The following ARHGEF3 variants were observed in gnomAD, a reference collection of about 807,000 sequenced individuals.
ARHGEF3 encodes the protein Rho guanine nucleotide exchange factor 3, also known as 59.8 kDA protein.
A neutral mutation model predicts 63.2 loss-of-function variants in ARHGEF3; 28 were observed. That is an observed-to-expected ratio of 0.44 (90% CI 0.33 to 0.61). The LOEUF is 0.61. Among genes scored for constraint, ARHGEF3 ranks in the 20% least tolerant of loss-of-function variants. ARHGEF3 has a pLI of 0.03. For missense variants in ARHGEF3, 533 were observed against 659.3 expected, an observed-to-expected ratio of 0.81 and a Z score of 2.10; for synonymous variants, 266 against 254.2, an observed-to-expected ratio of 1.05 and a Z score of -0.44.
Position 57,035,102 on chromosome 3 carries a change from T to C in ARHGEF3, c.48A>G (p.Glu16=), listed in dbSNP as rs1379725122. Reference sequence around the variant, plus strand: ...ATTATTTTTACCTTTCCTTGTTTTCTTCCATTCCTCTACAGCTGCATTGAT... The same window carrying C: ...ATTATTTTTACCTTTCCTTGTTTTCCTCCATTCCTCTACAGCTGCATTGAT... Residue 16 remains glutamate (E), a synonymous_variant, in exon 2 of 13, where the codon GAA becomes GAG. Coordinates refer to the ARHGEF3 transcript ENST00000338458. The C allele has an allele frequency of 2.6e-6, 4 of 1,547,444 alleles. No homozygotes were observed. In the South Asian group the frequency reaches 4.8e-5, roughly 19 times the overall value.
chr3:56,981,838 T>C (rs1682866823), intron 2 of ARHGEF3, among the ~76,000 whole-genome samples: 1 of 152,190 alleles, frequency 6.6e-6, no homozygotes, highest in Non-Finnish European at 1.5e-5. Flanking sequence ...CATCTGCTGT[T>C]CCTCACTGCC....
chr3:56,869,385 C>G (rs1355871485), intron 4 of ARHGEF3, among the ~76,000 whole-genome samples: 1 of 152,188 alleles, frequency 6.6e-6, no homozygotes, highest in Non-Finnish European at 1.5e-5. Flanking sequence ...AGTCAGCTCT[C>G]TCCGTAAAAT....
At chr3:56,924,369 G>A (rs191675957) in intron 3 of ARHGEF3, among the ~76,000 whole-genome samples, 236 of 152,268 alleles carry the variant, frequency 1.5e-3, no homozygotes, top group African/African-American at 4.6e-3. Context: ...GCGACACTAC[G>A]TGTTCCTTAC....
intron 3 of ARHGEF3, among the ~76,000 whole-genome samples, chr3:56,918,824 A>C (rs2042052342): frequency 6.6e-6 from 1 of 152,228 alleles, no homozygotes; most frequent in South Asian, 2.1e-4. Flanking sequence ...ATGTTTATGT[A>C]TTGGTTTTTA....
chr3:56,787,693 C>A (rs1691532965), intron 1 of ARHGEF3, among the ~76,000 whole-genome samples: 1 of 150,114 alleles, frequency 6.7e-6, no homozygotes, highest in Non-Finnish European at 1.5e-5. Flanking sequence ...CCGACACTGG[C>A]TTCCCAGGAT....
At chr3:57,038,600 C>T (rs1704054176) in intron 1 of ARHGEF3, among the ~76,000 whole-genome samples, 1 of 152,132 alleles carries the variant, frequency 6.6e-6, no homozygotes, top group Non-Finnish European at 1.5e-5. Context: ...CACATTACCA[C>T]ACCTGGCTCA....
At chr3:56,830,063 T>C (rs956725914) in intron 4 of ARHGEF3, among the ~76,000 whole-genome samples, 4 of 152,202 alleles carry the variant, frequency 2.6e-5, no homozygotes, top group Non-Finnish European at 5.9e-5. Flanking sequence ...AGAGGAGGTG[T>C]AATTTGCTCA....
At chr3:56,802,899 A>G (rs115519376), upstream of ARHGEF3, among the ~76,000 whole-genome samples, 2,044 of 152,330 alleles carry the variant, frequency 0.013, 40 homozygotes, top group African/African-American at 0.044. Context: ...TTCACTGTGT[A>G]ATACCGCTTA....
chr3:56,744,991 T>C (rs1023310611), intron 7 of ARHGEF3, among the ~76,000 whole-genome samples: 6 of 152,212 alleles, frequency 3.9e-5, no homozygotes, highest in African/African-American at 1.2e-4. Context: ...GCGTGTTTCA[T>C]GTAAGCACTG....
intron 3 of ARHGEF3, among the ~76,000 whole-genome samples, chr3:56,926,797 A>AT (rs1245027098): frequency 6.6e-6 from 1 of 152,196 alleles, no homozygotes; most frequent in Non-Finnish European, 1.5e-5. Flanking sequence ...TGAAAAGCTG[A>AT]TTTTTATTTT....
At chr3:57,034,172 G>C (rs1703852474) in intron 2 of ARHGEF3, among the ~76,000 whole-genome samples, 1 of 151,738 alleles carries the variant, frequency 6.6e-6, no homozygotes, top group South Asian at 2.1e-4. Context: ...GCCCAGGCTG[G>C]AGTGCAGTGG....
At position 57,076,405 on chromosome 3, in the gene ARHGEF3, G is replaced by C. The variant is rs114255133; in HGVS notation, c.-28+2821C>G. Among the ~76,000 whole-genome samples the C allele has an allele frequency of 5.4e-3, 829 of 152,298 alleles. 7 individuals are homozygous for C. Among genetic ancestry groups the C allele is most frequent in the African/African-American group, 0.018 (741 of 41,572 alleles). On this transcript the variant is annotated intron_variant, in intron 1 of 12. Transcript: ENST00000338458. ...TAGAGATGGATATTGATGAATGCAG[G>C]ATAGTCAGAACACGAAGCAGACCAT...
At chr3:56,821,965 G>T (rs1411334619) in intron 4 of ARHGEF3, among the ~76,000 whole-genome samples, 1 of 9,834 alleles carries the variant, frequency 1.0e-4, no homozygotes, top group Non-Finnish European at 2.5e-4. Flanking sequence ...TCTGTCTCGA[G>T]AAGAGAAGAG....
At chr3:56,917,188 C>CTATG (rs1438575216) in intron 3 of ARHGEF3, among the ~76,000 whole-genome samples, 1 of 152,186 alleles carries the variant, frequency 6.6e-6, no homozygotes, top group Admixed American at 6.5e-5. Flanking sequence ...AGATTGAAAA[C>CTATG]TATGCCTGGC....
At chr3:56,773,622 AC>A in intron 2 of ARHGEF3, 86 bp downstream of exon 2, 1 of 1,190,502 alleles carries the variant, frequency 8.4e-7, no homozygotes, top group Admixed American at 3.0e-5. Context: ...TCACTTTGAA[AC>A]CAGGGGAAAT....
At chr3:56,891,469 G>A (rs2041118763) in intron 3 of ARHGEF3, among the ~76,000 whole-genome samples, 1 of 151,628 alleles carries the variant, frequency 6.6e-6, no homozygotes, top group Non-Finnish European at 1.5e-5. Flanking sequence ...AAATCATGAT[G>A]TTTTCAGAGC....
At chr3:57,002,928 C>G (rs1462644204) in intron 2 of ARHGEF3, among the ~76,000 whole-genome samples, 1 of 151,460 alleles carries the variant, frequency 6.6e-6, no homozygotes, top group Non-Finnish European at 1.5e-5. Context: ...CGCACGCCAC[C>G]ACGCCCGGCT....
intron 6 of ARHGEF3, among the ~76,000 whole-genome samples, chr3:56,749,477 A>G (rs761010205): frequency 6.6e-6 from 1 of 152,224 alleles, no homozygotes; most frequent in African/African-American, 2.4e-5. Flanking sequence ...GAGTTATCCT[A>G]CAAATTCTGG....
intron 2 of ARHGEF3, among the ~76,000 whole-genome samples, chr3:56,969,089 G>C (rs1211360170): frequency 6.6e-6 from 1 of 152,124 alleles, no homozygotes; most frequent in African/African-American, 2.4e-5. Flanking sequence ...GCTTTAGAGA[G>C]GTAGTACTAC....
Sources: gnomAD v4.1 joint callset for allele counts (sites outside exome capture counted in the v4.1 genomes callset) on GRCh38, gnomAD v4.1.1 for gene constraint, MANE v1.5 for transcripts, NCBI Gene and HGNC (gene_info 2026-07-23, HGNC 2026-07-21) for gene names.